Variants in VPS13D observed in about 807,000 individuals in gnomAD.
VPS13D encodes vacuolar protein sorting 13 homolog D.
VPS13D carries 187 observed loss-of-function variants against 461.9 expected under a neutral mutation model. The ratio of observed to expected loss-of-function variants is 0.40; its 90% CI spans 0.36 to 0.46. The LOEUF is 0.46. Ranked by LOEUF, VPS13D falls within the 20% of genes least tolerant of loss-of-function variation. The pLI is 0.60. For missense variants in VPS13D, 4,711 were observed against 5,364.9 expected (o/e 0.88, Z 3.81); for synonymous variants, 1,951 against 1,986.3 (o/e 0.98, Z 0.47).
intron 55 of VPS13D, among the ~76,000 whole-genome samples, chr1:12,377,526 A>G (rs1271635169): frequency 2.6e-5 from 4 of 152,112 alleles, no homozygotes; most frequent in Non-Finnish European, 5.9e-5. Context: ...ATATATTTAG[A>G]ACTAGCAATC....
Position 12,244,584 on chromosome 1 carries a change from C to T in VPS13D, c.414C>T (p.Ala138=), listed in dbSNP as rs376314781. ...AGTCCTATTGGTATTCAGTTACCGC[C>T]TCCGTAGTTACAAGGATTGTGGAGA... ...KGESYWYSVT[A]SVVTRIVENI... Residue 138 remains alanine (A), a synonymous_variant, in exon 5 of 70, where the codon GCC becomes GCT. Coordinates refer to ENST00000620676, the MANE Select transcript of VPS13D (RefSeq NM_015378.4). The T allele has an allele frequency of 9.3e-6, 15 of 1,614,072 alleles. No individual in the cohort carries two copies. Among genetic ancestry groups the T allele is most frequent in the Non-Finnish European group, 1.3e-5 (15 of 1,180,040 alleles).
At chr1:12,237,283 A>G (rs1640183735) in intron 2 of VPS13D, among the ~76,000 whole-genome samples, 1 of 151,792 alleles carries the variant, frequency 6.6e-6, no homozygotes, top group African/African-American at 2.4e-5. Context: ...TGAAGCCAGG[A>G]GTTCAAGACT....
chr1:12,288,467 C>T (rs1642035217), intron 22 of VPS13D, among the ~76,000 whole-genome samples, 154 bp downstream of exon 22: 2 of 152,034 alleles, frequency 1.3e-5, no homozygotes, highest in African/African-American at 4.8e-5. Flanking sequence ...GTGGTGGTTC[C>T]CAAATGCTGG....
intron 54 of VPS13D, among the ~76,000 whole-genome samples, chr1:12,372,983 T>C (rs1644142768): frequency 6.6e-6 from 1 of 151,996 alleles, no homozygotes; most frequent in Admixed American, 6.6e-5. Context: ...TTTGTTTTCT[T>C]TTCATCCTAA....
chr1:12,510,519 C>CTGTG lies in VPS13D; in HGVS notation c.*1497_*1500dup, dbSNP rs1205100539. The stretch of plus-strand genomic sequence containing the variant: ...TTCCTCTCCCACTTCCCCTCTGTGT[C>CTGTG]TGTGTCTGTGTGTGTGTGTGTGTGT... On this transcript the variant is annotated 3_prime_UTR_variant, in exon 70 of 70. Transcript: ENST00000620676. 1.4e-5 allele frequency: 2 copies of CTGTG among 145,690 alleles called. No homozygotes were observed. Among genetic ancestry groups the CTGTG allele is most frequent in the Admixed American group, 1.4e-4 (2 of 13,968 alleles). The allele number at this position is 145,690 out of a possible 1,614,324, so 9.0% of individuals were successfully genotyped here.
At chr1:12,438,323 A>G (rs1451429977) in intron 65 of VPS13D, among the ~76,000 whole-genome samples, 1 of 152,200 alleles carries the variant, frequency 6.6e-6, no homozygotes, top group Non-Finnish European at 1.5e-5. Context: ...GTGAGGTTAC[A>G]GTGAAAAGAT....
intron 60 of VPS13D, among the ~76,000 whole-genome samples, chr1:12,390,583 C>T (rs543771288): frequency 2.4e-4 from 37 of 152,302 alleles, no homozygotes; most frequent in Non-Finnish European, 3.4e-4. Flanking sequence ...TAGGCAAACC[C>T]GTATCTGGAG....
chr1:12,262,548 A>G (rs1181341338), intron 13 of VPS13D, among the ~76,000 whole-genome samples: 1 of 152,204 alleles, frequency 6.6e-6, no homozygotes, highest in Admixed American at 6.5e-5. Flanking sequence ...TCATGAGGTA[A>G]GCAGCTAATA....
In VPS13D at chr1:12,256,355, A is replaced by T. The variant is rs750560531; in HGVS notation, c.692A>T (p.Glu231Val). ...CAGGAGGCCATGGCCAGGAGCATGGAGAGTCGCAGCCATCACTACGTCCTG... is the reference window on the plus strand; with the variant it reads ...CAGGAGGCCATGGCCAGGAGCATGGTGAGTCGCAGCCATCACTACGTCCTG... ...ELQEAMARSM[E>V]SRSHHYVLEP... Residue 231 changes from glutamate (E) to valine (V), a missense_variant, in exon 8 of 70, where the codon GAG (glutamate) becomes GTG (valine). By Grantham distance (121) the Glu-to-Val change is moderately radical. Transcript: ENST00000620676. 1.2e-6 allele frequency: 2 copies of T among 1,613,934 alleles called. No individual in the cohort carries two copies. Among genetic ancestry groups the T allele is most frequent in the Non-Finnish European group, 1.7e-6 (2 of 1,180,004 alleles).
At chr1:12,493,017 A>G (rs998745810) in intron 67 of VPS13D, among the ~76,000 whole-genome samples, 12 of 152,066 alleles carry the variant, frequency 7.9e-5, no homozygotes, top group African/African-American at 2.9e-4. Context: ...TAAAGGAGGA[A>G]CAGGGATTTG....
At position 12,495,172 on chromosome 1, in the gene VPS13D, CAG is replaced by C. The variant is rs1237351963; in HGVS notation, c.12663-2325_12663-2324del. ...ACCTTTTTTTTTTTTTTTTTTGAGA[CAG>C]AGTCTTGCTCTGTCGCCCAGGCTGG... On this transcript the variant is annotated intron_variant, in intron 67 of 69. Transcript: ENST00000620676. The surrounding 1 kb of genome is among the most constrained non-coding windows in gnomAD (Gnocchi z 4.0). 2.2e-5 allele frequency among the ~76,000 whole-genome samples: 3 copies of C among 138,984 alleles called. No individual in the cohort carries two copies. Among genetic ancestry groups the C allele is most frequent in the Non-Finnish European group, 4.6e-5 (3 of 65,474 alleles). The allele number at this position is 138,984 out of a possible 152,430, so 91.2% of individuals were successfully genotyped here. A position where few individuals can be genotyped will look rare whatever the true frequency, so the allele number is the denominator to read the frequency against.
intron 46 of VPS13D, among the ~76,000 whole-genome samples, chr1:12,351,695 G>T (rs910345837): frequency 6.6e-6 from 1 of 151,682 alleles, no homozygotes; most frequent in Admixed American, 6.6e-5. Context: ...AGGTTCAAGT[G>T]ATTCTCCTGC....
intron 63 of VPS13D, 139 bp from the exon 64 acceptor site, chr1:12,414,948 A>C: frequency 1.0e-6 from 1 of 971,414 alleles, no homozygotes; most frequent in Non-Finnish European, 1.5e-6. Context: ...TATAGGGAAA[A>C]TCCTTATTTA....
At chr1:12,254,985 G>T (rs2101256387) in intron 7 of VPS13D, among the ~76,000 whole-genome samples, 1 of 149,260 alleles carries the variant, frequency 6.7e-6, no homozygotes, top group East Asian at 2.0e-4. Context: ...TCGCTCGGTT[G>T]CCCGGGCTGG....
intron 63 of VPS13D, among the ~76,000 whole-genome samples, chr1:12,409,126 T>G (rs557829309): frequency 1.1e-3 from 163 of 152,270 alleles, no homozygotes; most frequent in Non-Finnish European, 1.7e-3. Context: ...CAAGAGCTGT[T>G]TATTTTTATG....
chr1:12,371,813 G>A (rs1644122028), intron 54 of VPS13D, among the ~76,000 whole-genome samples: 1 of 152,092 alleles, frequency 6.6e-6, no homozygotes, highest in Admixed American at 6.6e-5. Flanking sequence ...TTTGGCTATT[G>A]TAAACAGTGT....
rs545821073 is a variant in VPS13D at position 12,264,817 on chromosome 1, T to C, written c.1595-2064T>C. Among the ~76,000 whole-genome samples the C allele has an allele frequency of 4.6e-5, 7 of 152,366 alleles. 1 individual carries two copies. In the South Asian group the frequency reaches 1.4e-3, roughly 32 times the overall value. On this transcript the variant is annotated intron_variant, in intron 13 of 69. Transcript: ENST00000620676. ...TATGCTAAATGATAGATTTTCATTG[T>C]AGATGAAAAGGCCTTCTATTGGAAG...
At chr1:12,445,646 G>A (rs184414614) in intron 65 of VPS13D, among the ~76,000 whole-genome samples, 1 of 152,308 alleles carries the variant, frequency 6.6e-6, no homozygotes, top group African/African-American at 2.4e-5. Flanking sequence ...CTGAGGAACT[G>A]TTGGGAAGTA....
In VPS13D at chr1:12,279,470, G is replaced by T; in HGVS notation, c.4451-29G>T. On this transcript the variant is annotated intron_variant, in intron 19 of 69. Transcript: ENST00000620676. The surrounding 1 kb of genome is among the most constrained non-coding windows in gnomAD (Gnocchi z 4.3). ...TAATGAAGTAAATATTAAGGTTTAT[G>T]GTCTATCATTTCATCTCTTTTATGC... 2 of 1,572,318 alleles carry T rather than the reference G, an allele frequency of 1.3e-6. No homozygotes were observed. The highest frequency in any genetic ancestry group is 2.3e-5 in the South Asian group (2 of 85,660).
Sources: allele counts gnomAD v4.1 joint callset (sites outside exome capture counted in the v4.1 genomes callset), GRCh38; gene constraint gnomAD v4.1.1; non-coding constraint Gnocchi (gnomAD v3.1); transcripts MANE v1.5; gene names NCBI Gene and HGNC (gene_info 2026-07-23, HGNC 2026-07-21).